The following CLUH variants were observed in gnomAD, a reference collection of about 807,000 sequenced individuals.
CLUH encodes clustered mitochondria protein homolog.
A neutral mutation model predicts 139.3 loss-of-function variants in CLUH; 77 were observed. That is an observed-to-expected ratio of 0.55 (90% CI 0.46 to 0.67). The LOEUF (loss-of-function observed/expected upper bound fraction) is 0.67. Among genes scored for constraint, CLUH ranks in the 30% least tolerant of loss-of-function variants. The pLI is 0.00. For synonymous variants in CLUH, 999 were observed against 801.6 expected, an observed-to-expected ratio of 1.25 and a Z score of -4.16; for missense variants, 1,876 against 1,875.8, an observed-to-expected ratio of 1.00 and a Z score of 0.00.
intron 23 of CLUH, 37 bp downstream of exon 23, chr17:2,691,967 G>GCCCCGC (rs1555529479): frequency 3.3e-5 from 24 of 728,682 alleles, no homozygotes; most frequent in African/African-American, 3.1e-4. Flanking sequence ...CCACGCCCCC[G>GCCCCGC]CCCCGCCCCC....
intron 3 of CLUH, among the ~76,000 whole-genome samples, chr17:2,702,736 G>T (rs2070228419): frequency 6.6e-6 from 1 of 150,696 alleles, no homozygotes; most frequent in Admixed American, 6.6e-5. Context: ...ACTTCTCATG[G>T]ATCTCTACAG....
chr17:2,696,312 G>T, intron 12 of CLUH, 53 bp from the exon 13 acceptor site: 1 of 1,517,312 alleles, frequency 6.6e-7, no homozygotes, highest in Non-Finnish European at 9.0e-7. Flanking sequence ...GACAAATGCC[G>T]CCTGGCGCTG....
rs890583874 is a variant in CLUH at position 2,695,710 on chromosome 17, G to A, written c.2392-184C>T. The A allele has an allele frequency of 4.0e-5, 31 of 781,650 alleles. 1 individual carries two copies. Among genetic ancestry groups the A allele is most frequent in the East Asian group, 3.2e-4 (12 of 36,948 alleles). The allele number at this position is 781,650 out of a possible 1,614,324, so 48.4% of individuals were successfully genotyped here. ...AGCGCAGGCCAAGAACCAAGAGCCC[G>A]GTGGTGGTACAGGCCCCCTCTAACC... On this transcript the variant is annotated intron_variant, in intron 13 of 25. Coordinates refer to ENST00000651024, the MANE Select transcript of CLUH (RefSeq NM_001366661.1).
At chr17:2,695,326 A>G (rs577677585) in intron 14 of CLUH, 46 bp from the exon 15 acceptor site, 2 of 1,613,400 alleles carry the variant, frequency 1.2e-6, no homozygotes, top group South Asian at 2.2e-5. Flanking sequence ...CCCGGCCTCC[A>G]TCCCAGTCCC....
Position 2,692,389 on chromosome 17 carries a change from C to G in CLUH, c.3532G>C (p.Gly1178Arg). ...NALAVSTKYH[G>R]PKALKVALSH... ...AGGGCCACCTTGAGGGCCTTGGGCC[C>G]GTGGTACTTGGTGCTGACGGCCAGC... The change falls in exon 22 of 26, where the codon GGG (glycine) becomes CGG (arginine). Residue 1178 changes from glycine (G) to arginine (R), a missense_variant. By Grantham distance (125) the Gly-to-Arg change is moderately radical. Transcript: ENST00000651024. 6.3e-7 allele frequency: 1 copy of G among 1,593,128 alleles called. No individual in the cohort carries two copies. Among genetic ancestry groups the G allele is most frequent in the Non-Finnish European group, 8.5e-7 (1 of 1,176,954 alleles).
intron 19 of CLUH, among the ~76,000 whole-genome samples, chr17:2,693,599 G>A (rs756341135): frequency 2.0e-5 from 3 of 152,044 alleles, no homozygotes; most frequent in Admixed American, 6.5e-5. Context: ...CACAGAGGAC[G>A]TGGGAGCTCG....
intron 25 of CLUH, 53 bp downstream of exon 25, chr17:2,691,556 G>A: frequency 3.2e-6 from 5 of 1,559,044 alleles, no homozygotes; most frequent in African/African-American, 1.4e-5. Flanking sequence ...GCGAGACTCC[G>A]ACTCACAAAA....
rs372687034 is a variant in CLUH, at chr17:2,704,344, C to T, written c.303+18G>A. The T allele has an allele frequency of 3.1e-6, 5 of 1,604,524 alleles. No homozygotes were observed. Among genetic ancestry groups the T allele is most frequent in the Non-Finnish European group, 4.3e-6 (5 of 1,175,584 alleles). ...GCAGGCTCAGGCCTGGCCCCCAGCA[C>T]CCGTTCCTCCATCTTACCTGCAGGG... On this transcript the variant is annotated intron_variant, in intron 2 of 25. Transcript: ENST00000651024. The surrounding 1 kb of genome is among the most constrained non-coding windows in gnomAD (Gnocchi z 5.7).
Position 2,696,825 on chromosome 17 carries a change from C to G in CLUH, c.2079G>C (p.Glu693Asp), listed in dbSNP as rs2069965458. Residue 693 changes from glutamate (E) to aspartate (D), a missense_variant, in exon 11 of 26, where the codon GAG (glutamate) becomes GAC (aspartate). By Grantham distance (45) the Glu-to-Asp change is conservative. Transcript: ENST00000651024. ...TTCCCGCCTCCTGTCCTGGAGGATCCTCAGACTTGGACTCCAAGGAGGAAG... is the reference window on the plus strand; with the variant it reads ...TTCCCGCCTCCTGTCCTGGAGGATCGTCAGACTTGGACTCCAAGGAGGAAG... Reference protein sequence around the residue: ...GGPSSLESKSEDPPGQEAGSE... With the variant: ...GGPSSLESKSDDPPGQEAGSE... 1 of 1,613,458 alleles carries G rather than the reference C, an allele frequency of 6.2e-7. No homozygotes were observed. The highest frequency in any genetic ancestry group is 1.1e-5 in the South Asian group (1 of 91,080).
At chr17:2,696,993 G>A in intron 10 of CLUH, 51 bp from the exon 11 acceptor site, 3 of 1,399,334 alleles carry the variant, frequency 2.1e-6, no homozygotes, top group Non-Finnish European at 9.6e-7. Context: ...GGGGAGAGGA[G>A]CTCTGCTGGC....
intron 13 of CLUH, 86 bp from the exon 14 acceptor site, chr17:2,695,612 G>A (rs1223310929): frequency 6.9e-7 from 1 of 1,446,058 alleles, no homozygotes; most frequent in Non-Finnish European, 9.1e-7. Context: ...GCTATCCTGG[G>A]AGGCCCTGGA....
In CLUH at chr17:2,696,838, TCCAAGG is replaced by T; in HGVS notation, c.2060_2065del (p.Ser687_Glu689delinsTer). 1 of 1,613,556 alleles carries T rather than the reference TCCAAGG, an allele frequency of 6.2e-7. No individual in the cohort carries two copies. Among genetic ancestry groups the T allele is most frequent in the East Asian group, 2.2e-5 (1 of 44,856 alleles). On this transcript the variant is annotated stop_gained and inframe_deletion, in exon 11 of 26. Coordinates refer to ENST00000651024, the MANE Select transcript of CLUH (RefSeq NM_001366661.1). LOFTEE classifies it high-confidence loss of function. ...TCCTGGAGGATCCTCAGACTTGGAC[TCCAAGG>T]AGGAAGGACCACCATTTTCCAGGGA...
At position 2,694,623 on chromosome 17, in the gene CLUH, C is replaced by T; in HGVS notation, c.2853-59G>A. Reference sequence around the variant, plus strand: ...GCACCGCCGGGCCCCCCCAACACCGCCCCACCCAGCTCCCCAACGCTGTCC... The same window carrying T: ...GCACCGCCGGGCCCCCCCAACACCGTCCCACCCAGCTCCCCAACGCTGTCC... On this transcript the variant is annotated intron_variant, in intron 16 of 25. Transcript: ENST00000651024. The T allele has an allele frequency of 3.4e-6, 5 of 1,464,104 alleles. 1 individual carries two copies. In the South Asian group the frequency reaches 4.9e-5, roughly 14 times the overall value. 90.7% of individuals were successfully genotyped at this position (1,464,104 alleles called of 1,614,324 possible). A position where few individuals can be genotyped will look rare whatever the true frequency, so the allele number is the denominator to read the frequency against.
intron 13 of CLUH, chr17:2,695,818 G>A: frequency 1.7e-6 from 1 of 580,682 alleles, no homozygotes; most frequent in Non-Finnish European, 3.0e-6. Flanking sequence ...CCACGGTGTT[G>A]GGGGAGCACC....
intron 9 of CLUH, among the ~76,000 whole-genome samples, chr17:2,699,239 C>T (rs2070089377): frequency 6.6e-6 from 1 of 152,328 alleles, no homozygotes; most frequent in East Asian, 1.9e-4. Flanking sequence ...GTCTCTATAA[C>T]GCACTTGGCA....
chr17:2,707,886 G>A lies in CLUH; in HGVS notation c.101-3322C>T. The A allele has an allele frequency of 4.1e-6, 4 of 985,456 alleles. No individual in the cohort carries two copies. The highest frequency in any genetic ancestry group is 4.8e-6 in the Non-Finnish European group (4 of 829,932). 61.0% of individuals were successfully genotyped at this position (985,456 alleles called of 1,614,324 possible). A position where few individuals can be genotyped will look rare whatever the true frequency, so the allele number is the denominator to read the frequency against. On this transcript the variant is annotated intron_variant, in intron 1 of 25. Transcript: ENST00000651024. This position sits in a 1 kb window ranked among gnomAD's most constrained non-coding sequence, Gnocchi z 7.4. ...TTCCTGGGAGTCACTGGTTCTGGTGGAAGGGAGGGGGATGGGCCCCCAGCT... is the reference window on the plus strand; with the variant it reads ...TTCCTGGGAGTCACTGGTTCTGGTGAAAGGGAGGGGGATGGGCCCCCAGCT...
chr17:2,704,560 C>A lies in CLUH; in HGVS notation c.105G>T (p.Leu35=). 6.4e-7 allele frequency: 1 copy of A among 1,557,060 alleles called. No homozygotes were observed. The highest frequency in any genetic ancestry group is 2.4e-5 in the East Asian group (1 of 41,734). ...CCCCGTTTAAGAGCATGACTGATGGCAGCTCTGCGGGTGACAAGAACGGGT... is the reference window on the plus strand; with the variant it reads ...CCCCGTTTAAGAGCATGACTGATGGAAGCTCTGCGGGTGACAAGAACGGGT... The part of the protein sequence containing the change: ...GGKGRPGAAE[L]PSVMLLNGDC... Residue 35 remains leucine (L), a synonymous_variant, in exon 2 of 26, where the codon CTG becomes CTT. Transcript: ENST00000651024. The surrounding 1 kb of genome is among the most constrained non-coding windows in gnomAD (Gnocchi z 5.7).
chr17:2,690,440 G>A lies in CLUH; in HGVS notation c.*154C>T, dbSNP rs955391896. 8.5e-6 allele frequency: 5 copies of A among 590,372 alleles called. No homozygotes were observed. The highest frequency in any genetic ancestry group is 1.1e-5 in the Non-Finnish European group (4 of 379,636). 36.6% of individuals were successfully genotyped at this position (590,372 alleles called of 1,614,324 possible). ...AAAAACACCTTCTGCGGGGCAGGCA[G>A]GCCAGGCTCCCAGGAGGACACGGGG... On this transcript the variant is annotated 3_prime_UTR_variant, in exon 26 of 26. Coordinates refer to ENST00000651024, the MANE Select transcript of CLUH (RefSeq NM_001366661.1).
At chr17:2,709,865 G>A (rs2070459276) in intron 1 of CLUH, among the ~76,000 whole-genome samples, 1 of 152,120 alleles carries the variant, frequency 6.6e-6, no homozygotes, top group Admixed American at 6.6e-5. Flanking sequence ...CCTTCCCAGG[G>A]ACGTAGGAGC....
Sources: gnomAD v4.1 joint callset for allele counts (sites outside exome capture counted in the v4.1 genomes callset) on GRCh38, gnomAD v4.1.1 for gene constraint, Gnocchi (gnomAD v3.1) non-coding constraint, MANE v1.5 for transcripts, NCBI Gene and HGNC (gene_info 2026-07-23, HGNC 2026-07-21) for gene names.